ADI1: variants seen among roughly 807,000 people sequenced by gnomAD.
The protein encoded by ADI1 is acireductone dioxygenase.
ADI1 carries 21 observed loss-of-function variants against 18.7 expected under a neutral mutation model. That is an observed-to-expected ratio of 1.13 (90% CI 0.80 to 1.62). The LOEUF is 1.62. Among genes scored for constraint, ADI1 ranks in the 40% most tolerant of loss-of-function variants. The pLI is 0.00. For synonymous variants in ADI1, 90 were observed against 100.1 expected (o/e 0.90, Z 0.60); for missense variants, 245 against 254.9 (o/e 0.96, Z 0.26).
At chr2:3,505,130 T>C (rs1265671872) in intron 2 of ADI1, among the ~76,000 whole-genome samples, 1 of 152,288 alleles carries the variant, frequency 6.6e-6, no homozygotes, top group Non-Finnish European at 1.5e-5. Context: ...TACCTGCGTA[T>C]GTTTATATTG....
At chr2:3,515,973 C>T in intron 1 of ADI1, 2 of 985,228 alleles carry the variant, frequency 2.0e-6, no homozygotes, top group South Asian at 4.7e-5. Context: ...TTAGCCTATC[C>T]ACTGCATGAT....
chr2:3,500,820 G>C lies in ADI1; in HGVS notation c.414C>G (p.Asp138Glu), dbSNP rs751091360. 21 of 1,613,922 alleles carry C rather than the reference G, an allele frequency of 1.3e-5. No homozygotes were observed. Among genetic ancestry groups the C allele is most frequent in the Non-Finnish European group, 1.6e-5 (19 of 1,179,928 alleles). Reference protein sequence around the residue: ...PAGIYHRFTVDEKNYTKAMRL... With the variant: ...PAGIYHRFTVEEKNYTKAMRL... ...GAAAGCACAGCACTCCCACCTTCTC[G>C]TCCACCGTGAAGCGGTGATAGATCC... is the stretch of plus-strand genomic sequence containing the variant. The change falls in exon 3 of 4, where the codon GAC becomes GAG. Residue 138 changes from aspartate to glutamate, a missense_variant. By Grantham distance (45) the Asp-to-Glu change is conservative (BLOSUM62 2). Transcript: ENST00000327435.
At chr2:3,499,657 T>C (rs1266448773) in intron 3 of ADI1, among the ~76,000 whole-genome samples, 2 of 152,170 alleles carry the variant, frequency 1.3e-5, no homozygotes, top group African/African-American at 2.4e-5. Flanking sequence ...TATATACTCA[T>C]TGTTGGGGGT....
chr2:3,507,766 T>A (rs1032636858), intron 2 of ADI1, among the ~76,000 whole-genome samples: 14 of 152,222 alleles, frequency 9.2e-5, no homozygotes, highest in African/African-American at 3.4e-4. Context: ...ATTTCTTTGT[T>A]CTTCATTGAT....
intron 2 of ADI1, among the ~76,000 whole-genome samples, chr2:3,501,892 G>A (rs1337409085): frequency 6.6e-6 from 1 of 152,028 alleles, no homozygotes; most frequent in Non-Finnish European, 1.5e-5. Flanking sequence ...ATTCAAGTAT[G>A]CAAAAACATT....
chr2:3,518,982 G>GACCCCC (rs1197030860), intron 1 of ADI1, among the ~76,000 whole-genome samples: 1 of 149,108 alleles, frequency 6.7e-6, no homozygotes, highest in Non-Finnish European at 1.5e-5. Context: ...ACGGACCGCC[G>GACCCCC]ACCCCCACCA....
At chr2:3,516,159 A>T in intron 1 of ADI1, 5 of 603,158 alleles carry the variant, frequency 8.3e-6, no homozygotes, top group Non-Finnish European at 1.0e-5. Context: ...CATGAGGGCA[A>T]GCCCTCATTT....
chr2:3,505,641 T>C (rs1667159732), intron 2 of ADI1, among the ~76,000 whole-genome samples: 1 of 152,190 alleles, frequency 6.6e-6, no homozygotes, highest in Non-Finnish European at 1.5e-5. Context: ...CCTGCTGGGC[T>C]TTCATGAGAG....
intron 3 of ADI1, 133 bp downstream of exon 3, chr2:3,500,681 A>C (rs1394341501): frequency 8.4e-7 from 1 of 1,197,356 alleles, no homozygotes; most frequent in East Asian, 2.5e-5. Flanking sequence ...CTCTCCTTGA[A>C]GCACAGGTCG....
chr2:3,515,864 C>T (rs1413845486), intron 1 of ADI1: 2 of 973,616 alleles, frequency 2.1e-6, no homozygotes, highest in Non-Finnish European at 2.4e-6. Flanking sequence ...GAAAATGGAA[C>T]CTATGTTGAA....
chr2:3,502,969 A>AC (rs1390528443), intron 2 of ADI1, among the ~76,000 whole-genome samples: 1 of 152,152 alleles, frequency 6.6e-6, no homozygotes, highest in Non-Finnish European at 1.5e-5. Context: ...GAGGAAAGAT[A>AC]CAAATACTGA....
At chr2:3,501,324 G>C (rs1667001176) in intron 2 of ADI1, among the ~76,000 whole-genome samples, 1 of 152,156 alleles carries the variant, frequency 6.6e-6, no homozygotes, top group African/African-American at 2.4e-5. Flanking sequence ...TACAGATGTG[G>C]AAATGGTGGC....
At chr2:3,519,106 C>G (rs1472815988) in intron 1 of ADI1, among the ~76,000 whole-genome samples, 4 of 149,630 alleles carry the variant, frequency 2.7e-5, no homozygotes, top group Non-Finnish European at 5.9e-5. Flanking sequence ...GGCTGACCGC[C>G]GACCCCTCAA....
Position 3,497,703 on chromosome 2 carries a change from GA to G in ADI1, c.*1259del, listed in dbSNP as rs1251489793. ...TGTAAAAATACAGCTCTGAAGTGAA[GA>G]AATCCCAGGCGCCACATCAAGGAGG... is the stretch of plus-strand genomic sequence containing the variant. On this transcript the variant is annotated 3_prime_UTR_variant, in exon 4 of 4. Coordinates refer to ENST00000327435, the MANE Select transcript of ADI1 (RefSeq NM_018269.4). 6.6e-6 allele frequency: 1 copy of G among 152,204 alleles called. No homozygotes were observed. Among genetic ancestry groups the G allele is most frequent in the African/African-American group, 2.4e-5 (1 of 41,440 alleles). The allele number at this position is 152,204 out of a possible 1,614,324, so 9.4% of individuals were successfully genotyped here.
At chr2:3,508,879 G>T (rs889241305) in intron 2 of ADI1, among the ~76,000 whole-genome samples, 1 of 151,722 alleles carries the variant, frequency 6.6e-6, no homozygotes, top group African/African-American at 2.4e-5. Context: ...ATTTCAGCCT[G>T]GGTGACAGAG....
At chr2:3,502,448 CTCTTTT>C (rs1389559911) in intron 2 of ADI1, among the ~76,000 whole-genome samples, 5 of 123,438 alleles carry the variant, frequency 4.1e-5, no homozygotes, top group African/African-American at 1.7e-4. Flanking sequence ...ACGGAAATAG[CTCTTTT>C]TTTTTTTTTT....
At chr2:3,510,143 C>CAA (rs757457209) in intron 2 of ADI1, among the ~76,000 whole-genome samples, 37 of 66,540 alleles carry the variant, frequency 5.6e-4, no homozygotes, top group Middle Eastern at 0.017. Context: ...AACTCTGTCT[C>CAA]AAAAAAAAAA....
intron 1 of ADI1, chr2:3,516,189 A>G: frequency 2.4e-6 from 1 of 414,834 alleles, no homozygotes; most frequent in Non-Finnish European, 3.2e-6. Context: ...GTGGCCTTGT[A>G]AGAGAGATGG....
intron 2 of ADI1, among the ~76,000 whole-genome samples, chr2:3,503,020 TAG>T (rs1667061669): frequency 6.6e-6 from 1 of 152,106 alleles, no homozygotes; most frequent in Non-Finnish European, 1.5e-5. Flanking sequence ...TAACTGGAAT[TAG>T]AGGTGTCTGT....
Sources: allele counts gnomAD v4.1 joint callset (sites outside exome capture counted in the v4.1 genomes callset), GRCh38; gene constraint gnomAD v4.1.1; transcripts MANE v1.5; gene names NCBI Gene and HGNC (gene_info 2026-07-23, HGNC 2026-07-21).